Variants in MIA3 observed in about 807,000 individuals in gnomAD.
The protein encoded by MIA3 is transport and Golgi organization protein 1 homolog.
A neutral mutation model predicts 192.4 loss-of-function variants in MIA3; 90 were observed. That is an observed-to-expected ratio of 0.47 (90% CI 0.39 to 0.56). The LOEUF is 0.56. MIA3 is among the 20% of genes least tolerant of loss of function. MIA3 has a pLI of 0.00. For missense variants in MIA3, 2,123 were observed against 2,269.4 expected (o/e 0.94, Z 1.31); for synonymous variants, 740 against 792.8 (o/e 0.93, Z 1.12).
intron 3 of MIA3, among the ~76,000 whole-genome samples, chr1:222,625,324 C>T (rs1662064313): frequency 6.6e-6 from 1 of 152,206 alleles, no homozygotes; most frequent in Admixed American, 6.5e-5. Flanking sequence ...TACTCTTATA[C>T]AAGGCTTTTC....
Position 222,651,970 on chromosome 1 carries a change from A to G in MIA3, c.3910-7A>G, listed in dbSNP as rs1663461970. The G allele has an allele frequency of 1.4e-6, 2 of 1,481,350 alleles. No homozygotes were observed. Among genetic ancestry groups the G allele is most frequent in the Middle Eastern group, 3.5e-4 (2 of 5,748 alleles). 91.8% of individuals were successfully genotyped at this position (1,481,350 alleles called of 1,614,324 possible). On this transcript the variant is annotated splice_region_variant and splice_polypyrimidine_tract_variant and intron_variant, in intron 11 of 27. Transcript: ENST00000344922. ...TATGCATTTTGTGTTCTGTTTTTAC[A>G]TGGCAGATATCAGAAAACAAGAAAT...
intron 2 of MIA3, among the ~76,000 whole-genome samples, chr1:222,623,887 C>A (rs1251259910): frequency 6.6e-6 from 1 of 152,168 alleles, no homozygotes; most frequent in Non-Finnish European, 1.5e-5. Flanking sequence ...GAAATGAAAG[C>A]TTGGTGGGCA....
In MIA3 at chr1:222,629,701, A is replaced by C; in HGVS notation, c.2481A>C (p.Arg827=). The change falls in exon 4 of 28, where the codon CGA becomes CGC. Residue 827 remains arginine, a synonymous_variant. Coordinates refer to ENST00000344922, the MANE Select transcript of MIA3 (RefSeq NM_198551.4). Reference sequence around the variant, plus strand: ...AGAAAGCACAGAGACCATTTGAACGAAGTGACTTTTCTGACAGCATAAAAA... The same window carrying C: ...AGAAAGCACAGAGACCATTTGAACGCAGTGACTTTTCTGACAGCATAAAAA... The part of the protein sequence containing the change: ...ADKKAQRPFE[R]SDFSDSIKIQ... 2.5e-6 allele frequency: 4 copies of C among 1,614,208 alleles called. No individual in the cohort carries two copies. The highest frequency in any genetic ancestry group is 2.5e-6 in the Non-Finnish European group (3 of 1,180,024).
chr1:222,658,751 A>C lies in MIA3; in HGVS notation c.4637A>C (p.Gln1546Pro). 6.2e-7 allele frequency: 1 copy of C among 1,612,610 alleles called. No homozygotes were observed. The highest frequency in any genetic ancestry group is 8.5e-7 in the Non-Finnish European group (1 of 1,179,386). Reference protein sequence around the residue: ...KKLSQEEYERQEREHRLSAAD... With the variant: ...KKLSQEEYERPEREHRLSAAD... ...CTGAGTCAAGAAGAGTATGAACGGCAAGAAAGAGAGCACAGGCTGTCAGCT... is the reference window on the plus strand; with the variant it reads ...CTGAGTCAAGAAGAGTATGAACGGCCAGAAAGAGAGCACAGGCTGTCAGCT... The change falls in exon 19 of 28, where the codon CAA (glutamine) becomes CCA (proline). Residue 1546 changes from glutamine to proline, a missense_variant. By Grantham distance (76) the Gln-to-Pro change is moderately conservative (BLOSUM62 -1). This residue lies in a region of MIA3 where 762 missense variants were observed against 856.4 expected (regional missense o/e 0.89). Transcript: ENST00000344922.
intron 6 of MIA3, among the ~76,000 whole-genome samples, chr1:222,644,038 AG>A (rs1024545097): frequency 6.6e-6 from 1 of 152,188 alleles, no homozygotes; most frequent in African/African-American, 2.4e-5. Context: ...CCGGCACGAG[AG>A]ACCTGCTTTT....
At chr1:222,620,443 T>C (rs1294357998) in intron 1 of MIA3, among the ~76,000 whole-genome samples, 1 of 152,244 alleles carries the variant, frequency 6.6e-6, no homozygotes, top group African/African-American at 2.4e-5. Flanking sequence ...AAGGGTATTC[T>C]TTCCTTTGTT....
chr1:222,633,655 A>G (rs1473327580), intron 6 of MIA3, among the ~76,000 whole-genome samples: 1 of 152,040 alleles, frequency 6.6e-6, no homozygotes, highest in Non-Finnish European at 1.5e-5. Context: ...TCGCTGAGAT[A>G]TGCTTTAAGC....
chr1:222,641,675 G>A (rs1211509084), intron 6 of MIA3: 3 of 543,810 alleles, frequency 5.5e-6, no homozygotes, highest in African/African-American at 3.8e-5. Context: ...CTCGTCAGTG[G>A]GAGGAGTAAT....
At position 222,667,912 on chromosome 1, in the gene MIA3, G is replaced by C. The variant is rs1214836637; in HGVS notation, c.*2293G>C. 2.0e-5 allele frequency: 3 copies of C among 152,158 alleles called. No individual in the cohort carries two copies. Among genetic ancestry groups the C allele is most frequent in the Non-Finnish European group, 4.4e-5 (3 of 68,034 alleles). 9.4% of individuals were successfully genotyped at this position (152,158 alleles called of 1,614,324 possible). A position where few individuals can be genotyped will look rare whatever the true frequency, so the allele number is the denominator to read the frequency against. ...TTTTTTCATTGGAAAGTAAATTTAA[G>C]TAATTCGTGGGATGTGGTATATTCT... On this transcript the variant is annotated 3_prime_UTR_variant, in exon 28 of 28. Coordinates refer to ENST00000344922, the MANE Select transcript of MIA3 (RefSeq NM_198551.4).
intron 6 of MIA3, among the ~76,000 whole-genome samples, chr1:222,643,163 CTTGT>C (rs150004455): frequency 0.23 from 34,266 of 151,870 alleles, 4,256 homozygotes; most frequent in Admixed American, 0.34. Context: ...ATTTTTTCAA[CTTGT>C]TTGTTTTCAT....
Position 222,627,683 on chromosome 1 carries a change from G to A in MIA3, c.463G>A (p.Glu155Lys). ...GTACAATTCTGCAGCTACAGATTCT[G>A]AGAAAGCTGTAGAAAAAACTTTACA... is the stretch of plus-strand genomic sequence containing the variant. ...ELYNSAATDS[E>K]KAVEKTLQDM... Residue 155 changes from glutamate (E) to lysine (K), a missense_variant, in exon 4 of 28, where the codon GAG becomes AAG. Around this residue, in one of 3 missense-constraint regions of MIA3, gnomAD observed 1,357 missense variants for 1,396.1 expected, o/e 0.97. Coordinates refer to ENST00000344922, the MANE Select transcript of MIA3 (RefSeq NM_198551.4). The A allele has an allele frequency of 6.2e-7, 1 of 1,613,462 alleles. No homozygotes were observed. Among genetic ancestry groups the A allele is most frequent in the Non-Finnish European group, 8.5e-7 (1 of 1,179,768 alleles).
intron 7 of MIA3, chr1:222,647,855 G>T (rs1663225636): frequency 8.6e-6 from 3 of 346,922 alleles, no homozygotes; most frequent in South Asian, 6.3e-5. Flanking sequence ...TTTTCTGAAT[G>T]CATATTCCTA....
intron 1 of MIA3, 27 bp from the exon 2 acceptor site, chr1:222,621,132 A>ATT: frequency 6.4e-7 from 1 of 1,564,374 alleles, no homozygotes; most frequent in Non-Finnish European, 8.6e-7. Flanking sequence ...ATATCTGGCT[A>ATT]TTTTTTTTCT....
rs1663483979 is a variant in MIA3, at chr1:222,652,329, G to T, written c.4083G>T (p.Glu1361Asp). ...EENARLKKKK[E>D]QLQQEIEDWS... is the part of the protein sequence containing the mutation. Reference sequence around the variant, plus strand: ...ATGCTAGGCTTAAGAAGAAAAAAGAGCAGGTAAAGGAAAGTGCGTGTCCCA... The same window carrying T: ...ATGCTAGGCTTAAGAAGAAAAAAGATCAGGTAAAGGAAAGTGCGTGTCCCA... The change falls in exon 13 of 28, where the codon GAG (glutamate) becomes GAT (aspartate). Residue 1361 changes from glutamate to aspartate, a missense_variant. By Grantham distance (45) the Glu-to-Asp change is conservative. Around this residue, in one of 3 missense-constraint regions of MIA3, gnomAD observed 762 missense variants for 856.4 expected, o/e 0.89. Coordinates refer to ENST00000344922, the MANE Select transcript of MIA3 (RefSeq NM_198551.4). 1.2e-6 allele frequency: 2 copies of T among 1,608,050 alleles called. No individual in the cohort carries two copies. Among genetic ancestry groups the T allele is most frequent in the Non-Finnish European group, 1.7e-6 (2 of 1,174,612 alleles).
chr1:222,649,124 A>T (rs1663289336), intron 8 of MIA3: 1 of 288,194 alleles, frequency 3.5e-6, no homozygotes, highest in African/African-American at 2.2e-5. Flanking sequence ...GTACCAATTT[A>T]TTACATGTGA....
intron 6 of MIA3, among the ~76,000 whole-genome samples, chr1:222,642,669 G>A (rs1662916589): frequency 6.6e-6 from 1 of 152,190 alleles, no homozygotes; most frequent in Non-Finnish European, 1.5e-5. Context: ...ATAAAGATCA[G>A]CATAGCATGA....
intron 24 of MIA3, chr1:222,660,961 AG>A (rs1663979041): frequency 6.5e-6 from 1 of 152,724 alleles, no homozygotes; most frequent in Non-Finnish European, 1.5e-5. Flanking sequence ...GCATAAGATT[AG>A]CTGTAGTACA....
rs965575067 is a variant in MIA3 at position 222,666,413 on chromosome 1, G to A, written c.*794G>A. The A allele has an allele frequency of 2.6e-5, 4 of 152,174 alleles. No homozygotes were observed. The highest frequency in any genetic ancestry group is 4.4e-5 in the Non-Finnish European group (3 of 68,038). 9.4% of individuals were successfully genotyped at this position (152,174 alleles called of 1,614,324 possible). On this transcript the variant is annotated 3_prime_UTR_variant, in exon 28 of 28. Coordinates refer to ENST00000344922, the MANE Select transcript of MIA3 (RefSeq NM_198551.4). ...TGAGTTTACATTAGTAGCAAGAGTT[G>A]TTTGACCTGATGTTCCATTGTTTTT... is the stretch of plus-strand genomic sequence containing the variant.
intron 5 of MIA3, 118 bp downstream of exon 5, chr1:222,632,444 C>T: frequency 1.1e-6 from 1 of 876,840 alleles, no homozygotes; most frequent in African/African-American, 1.7e-5. Flanking sequence ...AAAAGGATCC[C>T]AGAGCTAATT....
Sources: allele counts gnomAD v4.1 joint callset (sites outside exome capture counted in the v4.1 genomes callset), GRCh38; gene constraint gnomAD v4.1.1; regional missense constraint gnomAD v4.1.1; transcripts MANE v1.5; gene names NCBI Gene and HGNC (gene_info 2026-07-23, HGNC 2026-07-21).